Variants in RIMS4 observed in about 807,000 individuals in gnomAD.
RIMS4 encodes regulating synaptic membrane exocytosis protein 4.
A neutral mutation model predicts 29.0 loss-of-function variants in RIMS4; 9 were observed. The ratio of observed to expected loss-of-function variants is 0.31; its 90% CI spans 0.19 to 0.54. RIMS4 has a LOEUF of 0.54. Ranked by LOEUF, RIMS4 falls within the 20% of genes least tolerant of loss-of-function variation. The pLI, the probability that RIMS4 is intolerant of heterozygous loss-of-function variation, is 0.94. For synonymous variants in RIMS4, 130 were observed against 152.9 expected (o/e 0.85, Z 1.10); for missense variants, 193 against 365.7 (o/e 0.53, Z 3.85).
chr20:44,766,760 G>A, intron 2 of RIMS4, among the ~76,000 whole-genome samples: 1 of 152,136 alleles, frequency 6.6e-6, no homozygotes, highest in East Asian at 1.9e-4. Context: ...AGTGTAGCAG[G>A]CTCTGCTGGG....
At chr20:44,791,551 C>T (rs1463874069) in intron 1 of RIMS4, among the ~76,000 whole-genome samples, 2 of 152,170 alleles carry the variant, frequency 1.3e-5, no homozygotes, top group Non-Finnish European at 2.9e-5. Context: ...TATAACTGGA[C>T]AAGCATTTGT....
intron 1 of RIMS4, among the ~76,000 whole-genome samples, chr20:44,798,242 A>G (rs1274008888): frequency 6.6e-6 from 1 of 152,256 alleles, no homozygotes; most frequent in Admixed American, 6.5e-5. Context: ...CATGAGATAC[A>G]TGTATATATT....
chr20:44,759,182 G>A (rs2066073470), intron 2 of RIMS4, among the ~76,000 whole-genome samples: 2 of 152,076 alleles, frequency 1.3e-5, no homozygotes, highest in African/African-American at 2.4e-5. Flanking sequence ...GAGCACCAAA[G>A]CACTTGCAAC....
Position 44,757,707 on chromosome 20 carries a change from C to T in RIMS4, c.414G>A (p.Arg138=), listed in dbSNP as rs1423181280. 1 of 1,614,034 alleles carries T rather than the reference C, an allele frequency of 6.2e-7. No individual in the cohort carries two copies. The highest frequency in any genetic ancestry group is 1.3e-5 in the African/African-American group (1 of 74,902). ...GQLEVDIIQA[R]GLTAKPGSKT... ...TGGAGCCTGGCTTGGCTGTCAGTCC[C>T]CGAGCCTGGATAATGTCCACCTCCA... The change falls in exon 4 of 6, where the codon CGG becomes CGA. Residue 138 remains arginine, a synonymous_variant. Transcript: ENST00000372851.
intron 2 of RIMS4, among the ~76,000 whole-genome samples, chr20:44,767,721 A>T (rs1362180940): frequency 6.6e-6 from 1 of 152,240 alleles, no homozygotes; most frequent in Non-Finnish European, 1.5e-5. Context: ...CCTCATCTGT[A>T]AAATGGGAAT....
chr20:44,804,561 G>A (rs1030837479), intron 1 of RIMS4, among the ~76,000 whole-genome samples: 2 of 152,182 alleles, frequency 1.3e-5, no homozygotes, highest in African/African-American at 4.8e-5. Flanking sequence ...CACAGAGGAG[G>A]CAAAGTAGAA....
At chr20:44,764,260 A>ATCCATTCATCCATCCGTC (rs1555859479) in intron 2 of RIMS4, among the ~76,000 whole-genome samples, 1 of 151,786 alleles carries the variant, frequency 6.6e-6, no homozygotes, top group Non-Finnish European at 1.5e-5. Flanking sequence ...CCATCCTCCC[A>ATCCATTCATCCATCCGTC]CAAACTCACC....
chr20:44,758,513 G>A (rs1269224440), intron 2 of RIMS4, among the ~76,000 whole-genome samples: 1 of 152,164 alleles, frequency 6.6e-6, no homozygotes, highest in Non-Finnish European at 1.5e-5. Context: ...CACTGCAAAC[G>A]GCTCTAGACT....
At position 44,810,510 on chromosome 20, in the gene RIMS4, C is replaced by CGGCGGT. The variant is rs1175268053; in HGVS notation, c.-245_-240dup. Among the ~76,000 whole-genome samples the CGGCGGT allele has an allele frequency of 0.02, 2,698 of 137,506 alleles. 37 individuals are homozygous for CGGCGGT. Among genetic ancestry groups the CGGCGGT allele is most frequent in the South Asian group, 0.043 (199 of 4,620 alleles). The allele number at this position is 137,506 out of a possible 152,430, so 90.2% of individuals were successfully genotyped here. A position where few individuals can be genotyped will look rare whatever the true frequency, so the allele number is the denominator to read the frequency against. ...GTGCTGCTGGCGGCGGCGGCGGCGG[C>CGGCGGT]GGCGGTGGCGGCGGCGGTGGCGGCG... On this transcript the variant is annotated 5_prime_UTR_variant, in exon 1 of 6. Transcript: ENST00000372851.
chr20:44,789,384 G>A (rs6130694), intron 1 of RIMS4, among the ~76,000 whole-genome samples: 15,340 of 151,994 alleles, frequency 0.1, 1,154 homozygotes, highest in African/African-American at 0.21. Context: ...TGCAAGCTCC[G>A]CCTCCCAGTT....
rs28489856 is a variant in RIMS4 at position 44,758,735 on chromosome 20, G to A, written c.237-551C>T. 4.3e-3 allele frequency among the ~76,000 whole-genome samples: 660 copies of A among 152,302 alleles called. 4 individuals are homozygous for A. Among genetic ancestry groups the A allele is most frequent in the African/African-American group, 0.015 (620 of 41,560 alleles). On this transcript the variant is annotated intron_variant, in intron 2 of 5. Coordinates refer to ENST00000372851, the MANE Select transcript of RIMS4 (RefSeq NM_182970.4). ...TCGGCCAGTGATCAGCTCAGAGACA[G>A]GCATGTAGCCCAGTTCAGCCAACAA...
At chr20:44,759,687 C>A (rs1011777268) in intron 2 of RIMS4, among the ~76,000 whole-genome samples, 5 of 152,210 alleles carry the variant, frequency 3.3e-5, no homozygotes, top group African/African-American at 1.2e-4. Context: ...CAAGCCAGGC[C>A]AATCAAAACC....
chr20:44,786,022 C>T (rs147698495), intron 1 of RIMS4, among the ~76,000 whole-genome samples: 4 of 152,278 alleles, frequency 2.6e-5, no homozygotes, highest in Admixed American at 6.5e-5. Context: ...AGTCATGCCA[C>T]ACTGGGCAAA....
chr20:44,810,540 G>C lies in RIMS4; in HGVS notation c.-269C>G, dbSNP rs1568910835. On this transcript the variant is annotated 5_prime_UTR_variant, in exon 1 of 6. Coordinates refer to ENST00000372851, the MANE Select transcript of RIMS4 (RefSeq NM_182970.4). The stretch of plus-strand genomic sequence containing the variant: ...GTGGCGGCGGCGGTGGCGGCGCAGC[G>C]CGCTCTGGTCCGCGGCGCCCCCCGC... Among the ~76,000 whole-genome samples the C allele has an allele frequency of 7.0e-6, 1 of 142,392 alleles. No individual in the cohort carries two copies. The highest frequency in any genetic ancestry group is 1.5e-5 in the Non-Finnish European group (1 of 64,602). 93.4% of individuals were successfully genotyped at this position (142,392 alleles called of 152,430 possible). A position where few individuals can be genotyped will look rare whatever the true frequency, so the allele number is the denominator to read the frequency against.
At chr20:44,770,671 C>T (rs574030298) in intron 2 of RIMS4, among the ~76,000 whole-genome samples, 5 of 152,242 alleles carry the variant, frequency 3.3e-5, no homozygotes, top group Middle Eastern at 3.4e-3. Context: ...GTGATTCTGA[C>T]GCGGAGCCCA....
At chr20:44,800,306 C>G (rs1010317386) in intron 1 of RIMS4, among the ~76,000 whole-genome samples, 2 of 151,916 alleles carry the variant, frequency 1.3e-5, no homozygotes, top group African/African-American at 4.8e-5. Flanking sequence ...AAGGGAGATG[C>G]CATTTCTTTG....
chr20:44,807,613 G>A (rs929671594), intron 1 of RIMS4, among the ~76,000 whole-genome samples: 3 of 152,166 alleles, frequency 2.0e-5, no homozygotes, highest in East Asian at 3.9e-4. Flanking sequence ...AGCCACGCCT[G>A]TGTCCAGTAT....
At chr20:44,769,080 AG>A (rs1323749533) in intron 2 of RIMS4, among the ~76,000 whole-genome samples, 3 of 152,212 alleles carry the variant, frequency 2.0e-5, no homozygotes, top group African/African-American at 7.2e-5. Context: ...GCTACTAAGA[AG>A]CTGAAATGAA....
chr20:44,771,618 C>T (rs563484602), intron 1 of RIMS4, among the ~76,000 whole-genome samples: 11 of 152,342 alleles, frequency 7.2e-5, no homozygotes, highest in East Asian at 3.9e-4. Context: ...TTCTGTTAAA[C>T]GATAGATTCA....
Sources: gnomAD v4.1 joint callset for allele counts (sites outside exome capture counted in the v4.1 genomes callset) on GRCh38, gnomAD v4.1.1 for gene constraint, MANE v1.5 for transcripts, NCBI Gene and HGNC (gene_info 2026-07-23, HGNC 2026-07-21) for gene names.